Variants in TTC1 observed in about 807,000 individuals in gnomAD.
TTC1 encodes tetratricopeptide repeat domain 1, also known as tetratricopeptide repeat protein 1.
TTC1 carries 31 observed loss-of-function variants against 37.6 expected under a neutral mutation model. The observed-to-expected ratio is 0.82, with a 90% CI of 0.62 to 1.11. The LOEUF (loss-of-function observed/expected upper bound fraction) is 1.11. TTC1 is among the 50% of genes most tolerant of loss of function. The pLI is 0.00. For missense variants in TTC1, 351 were observed against 339.0 expected (o/e 1.04, Z -0.28); for synonymous variants, 127 against 122.4 (o/e 1.04, Z -0.25).
chr5:160,049,875 C>T (rs993455975), intron 6 of TTC1, among the ~76,000 whole-genome samples: 3 of 151,742 alleles, frequency 2.0e-5, no homozygotes, highest in African/African-American at 7.3e-5. Context: ...GCCAGGAGCT[C>T]GAGACCAGCC....
chr5:160,011,011 G>A (rs1200759791), intron 2 of TTC1, among the ~76,000 whole-genome samples, 153 bp downstream of exon 2: 1 of 152,146 alleles, frequency 6.6e-6, no homozygotes, highest in Non-Finnish European at 1.5e-5. Flanking sequence ...GAGATAAATC[G>A]GTGGCGTGAC....
intron 7 of TTC1, among the ~76,000 whole-genome samples, chr5:160,060,049 T>C (rs189016709): frequency 2.1e-4 from 32 of 152,378 alleles, no homozygotes; most frequent in Admixed American, 1.7e-3. Flanking sequence ...TGCTGGGCTC[T>C]CTTGATTTGC....
In TTC1 at chr5:160,065,034, A is replaced by G. The variant is rs112449180; in HGVS notation, c.848A>G (p.Asn283Ser). The change falls in exon 8 of 8, where the codon AAT becomes AGT. Residue 283 changes from asparagine to serine, a missense_variant. Coordinates refer to ENST00000231238, the MANE Select transcript of TTC1 (RefSeq NM_003314.3). The part of the protein sequence containing the change: ...QDSSTGSYSI[N>S]FVQNPNNNR Reference sequence around the variant, plus strand: ...TCCTCTACCGGCTCGTACTCCATCAATTTCGTTCAAAATCCAAATAATAAC... The same window carrying G: ...TCCTCTACCGGCTCGTACTCCATCAGTTTCGTTCAAAATCCAAATAATAAC... The G allele has an allele frequency of 3.0e-3, 4,789 of 1,612,284 alleles. 39 individuals carry two copies. The highest frequency in any genetic ancestry group is 2.4e-3 in the Non-Finnish European group (2,873 of 1,179,724).
chr5:160,049,405 A>T, intron 5 of TTC1, 109 bp from the exon 6 acceptor site: 1 of 1,082,236 alleles, frequency 9.2e-7, no homozygotes, highest in Non-Finnish European at 1.3e-6. Flanking sequence ...TTGGCAAATG[A>T]CTCTTCCTTT....
Position 160,038,026 on chromosome 5 carries a change from G to A in TTC1, c.504+1223G>A, listed in dbSNP as rs573088910. On this transcript the variant is annotated intron_variant, in intron 4 of 7. Transcript: ENST00000231238. ...TTTGTTGTTGTTGTTTTTTTTAAAG[G>A]CCCCAGGGCAGGGTTGCGGGGGTGG... 9.2e-5 allele frequency among the ~76,000 whole-genome samples: 14 copies of A among 151,892 alleles called. 1 individual carries two copies. The South Asian group carries it at 2.9e-3, about 32-fold the overall frequency.
At chr5:160,052,650 T>C (rs1018212601) in intron 7 of TTC1, among the ~76,000 whole-genome samples, 3 of 150,042 alleles carry the variant, frequency 2.0e-5, no homozygotes, top group East Asian at 2.0e-4. Context: ...CTGGAAGGCA[T>C]TGGTCTCTTA....
chr5:160,027,684 A>G (rs1756830710), intron 2 of TTC1, among the ~76,000 whole-genome samples: 2 of 152,176 alleles, frequency 1.3e-5, no homozygotes, highest in South Asian at 4.1e-4. Context: ...TTCTTTGTTC[A>G]TTGTGAAAGT....
chr5:160,023,845 C>G, intron 2 of TTC1: 1 of 1,613,382 alleles, frequency 6.2e-7, no homozygotes, highest in South Asian at 1.1e-5. Flanking sequence ...AGTCAGATGA[C>G]TTCCAATTCT....
chr5:160,053,365 G>T lies in TTC1; in HGVS notation c.745+2182G>T, dbSNP rs538227786. On this transcript the variant is annotated intron_variant, in intron 7 of 7. Coordinates refer to ENST00000231238, the MANE Select transcript of TTC1 (RefSeq NM_003314.3). ...CCCAGCAATTTGGGAGGCTGAGCCC[G>T]AGTTCAAGACCAGCCTGGGCAACAT... Among the ~76,000 whole-genome samples the T allele has an allele frequency of 3.9e-5, 6 of 152,240 alleles. No individual in the cohort carries two copies. In the South Asian group the frequency reaches 1.2e-3, roughly 32 times the overall value.
intron 2 of TTC1, among the ~76,000 whole-genome samples, chr5:160,030,007 G>A (rs947473181): frequency 6.6e-5 from 10 of 152,130 alleles, no homozygotes; most frequent in African/African-American, 2.4e-4. Context: ...AACCATTTAA[G>A]CATTAAGTAA....
intron 2 of TTC1, among the ~76,000 whole-genome samples, chr5:160,013,398 T>TAA (rs577522562): frequency 1.5e-4 from 21 of 143,204 alleles, no homozygotes; most frequent in African/African-American, 5.1e-4. Flanking sequence ...CAACAATGAC[T>TAA]AAAAAAAAAA....
intron 2 of TTC1, among the ~76,000 whole-genome samples, chr5:160,013,979 G>C (rs1315549623): frequency 6.6e-6 from 1 of 152,180 alleles, no homozygotes; most frequent in East Asian, 1.9e-4. Context: ...GCACCATGCA[G>C]TATGGTAGCT....
intron 2 of TTC1, chr5:160,023,912 A>G: frequency 6.3e-7 from 1 of 1,594,410 alleles, no homozygotes; most frequent in Non-Finnish European, 8.6e-7. Context: ...AGGCTTCTCA[A>G]ACTCTGCTGA....
chr5:160,042,409 C>T (rs1359703790), intron 4 of TTC1, among the ~76,000 whole-genome samples: 5 of 152,126 alleles, frequency 3.3e-5, no homozygotes, highest in Admixed American at 3.3e-4. Flanking sequence ...TTTAGACCTG[C>T]AAGACATCTT....
At position 160,009,763 on chromosome 5, in the gene TTC1, G is replaced by A. The variant is rs150541117; in HGVS notation, c.-30+570G>A. Among the ~76,000 whole-genome samples, 440 of 152,226 alleles carry A rather than the reference G, an allele frequency of 2.9e-3. 5 individuals carry two copies. Among genetic ancestry groups the A allele is most frequent in the African/African-American group, 0.01 (422 of 41,534 alleles). ...TCTAATGCCTGACTCTGGCCCCCAC[G>A]GTAATCCTGATTAGGGTCACCTGCG... On this transcript the variant is annotated intron_variant, in intron 1 of 7. Transcript: ENST00000231238.
chr5:160,044,969 T>A (rs1053016850), intron 5 of TTC1, among the ~76,000 whole-genome samples: 3 of 152,186 alleles, frequency 2.0e-5, no homozygotes, highest in Non-Finnish European at 2.9e-5. Context: ...CTTTCTATAT[T>A]ATAATATAGA....
rs768283049 is a variant in TTC1, at chr5:160,065,081, C to T, written c.*16C>T. ...TAACAGATAACAAAGATAACAAAAG[C>T]TTTACAAGCTGACTTGGAATTGTGT... On this transcript the variant is annotated 3_prime_UTR_variant, in exon 8 of 8. Transcript: ENST00000231238. The T allele has an allele frequency of 3.1e-6, 5 of 1,604,904 alleles. No individual in the cohort carries two copies. The African/African-American group carries it at 6.7e-5, about 22-fold the overall frequency.
chr5:160,010,456 A>C, intron 1 of TTC1, 44 bp from the exon 2 acceptor site: 2 of 1,344,996 alleles, frequency 1.5e-6, no homozygotes, highest in Non-Finnish European at 2.0e-6. Flanking sequence ...ACTTTTAAAA[A>C]TACAAGCACC....
chr5:160,024,351 GT>G (rs1287765620), intron 2 of TTC1, among the ~76,000 whole-genome samples: 1 of 152,150 alleles, frequency 6.6e-6, no homozygotes, highest in Non-Finnish European at 1.5e-5. Context: ...CCATAGTGCA[GT>G]TATCAAAACC....
Sources: gnomAD v4.1 joint callset for allele counts (sites outside exome capture counted in the v4.1 genomes callset) on GRCh38, gnomAD v4.1.1 for gene constraint, MANE v1.5 for transcripts, NCBI Gene and HGNC (gene_info 2026-07-23, HGNC 2026-07-21) for gene names.